Variants in EPHA3 observed in about 807,000 individuals in gnomAD.
EPHA3 encodes the protein ephrin type-A receptor 3.
Under a neutral mutation model 107.1 loss-of-function variants are expected in EPHA3, and 42 were observed. The ratio of observed to expected loss-of-function variants is 0.39; its 90% CI spans 0.31 to 0.51. The LOEUF (loss-of-function observed/expected upper bound fraction) is 0.51. Among genes scored for constraint, EPHA3 ranks in the 20% least tolerant of loss-of-function variants. The pLI, the probability that EPHA3 is intolerant of heterozygous loss-of-function variation, is 0.78. For missense variants in EPHA3, 1,183 were observed against 1,211.2 expected (o/e 0.98, Z 0.35); for synonymous variants, 461 against 424.8 (o/e 1.09, Z -1.05).
chr3:89,382,921 G>A (rs1708540834), intron 5 of EPHA3, among the ~76,000 whole-genome samples: 1 of 152,156 alleles, frequency 6.6e-6, no homozygotes, highest in Non-Finnish European at 1.5e-5. Context: ...TTCCCAGTCA[G>A]TGAGGCCTCA....
chr3:89,187,328 A>G (rs13100702), intron 2 of EPHA3, among the ~76,000 whole-genome samples: 21,466 of 148,216 alleles, frequency 0.14, 1,722 homozygotes, highest in African/African-American at 0.22. Flanking sequence ...TCATTAATAA[A>G]TTAATAAATA....
chr3:89,423,152 T>C (rs1576370363), intron 11 of EPHA3, among the ~76,000 whole-genome samples: 1 of 151,648 alleles, frequency 6.6e-6, no homozygotes, highest in South Asian at 2.1e-4. Flanking sequence ...ATGAGATTAA[T>C]GTATTTTGTC....
chr3:89,342,207 G>A (rs1160550537), intron 5 of EPHA3, 117 bp downstream of exon 5: 3 of 852,036 alleles, frequency 3.5e-6, no homozygotes, highest in Non-Finnish European at 5.3e-6. Flanking sequence ...CCAGGATTTT[G>A]CCTTCTAACA....
intron 11 of EPHA3, among the ~76,000 whole-genome samples, chr3:89,424,677 T>G (rs1162079186): frequency 4.0e-5 from 6 of 151,354 alleles, no homozygotes; most frequent in African/African-American, 1.5e-4. Context: ...AAAGAAAGCT[T>G]GGAAAGGAGA....
intron 10 of EPHA3, among the ~76,000 whole-genome samples, chr3:89,418,152 T>C (rs991912447): frequency 6.6e-6 from 1 of 151,470 alleles, no homozygotes; most frequent in African/African-American, 2.4e-5. Flanking sequence ...AAGATTATGA[T>C]TCCACTCCAT....
At chr3:89,297,762 T>A (rs1408848639) in intron 3 of EPHA3, among the ~76,000 whole-genome samples, 4 of 152,006 alleles carry the variant, frequency 2.6e-5, no homozygotes, top group Non-Finnish European at 5.9e-5. Context: ...TGGCCAGGCA[T>A]GGTGGCTCAC....
At chr3:89,227,651 G>A (rs1440644537) in intron 3 of EPHA3, among the ~76,000 whole-genome samples, 3 of 151,898 alleles carry the variant, frequency 2.0e-5, no homozygotes, top group Non-Finnish European at 4.4e-5. Context: ...GCATAGTTAG[G>A]TACTGGAGGG....
chr3:89,239,725 T>A (rs572713573), intron 3 of EPHA3, among the ~76,000 whole-genome samples: 2 of 152,170 alleles, frequency 1.3e-5, no homozygotes, highest in Non-Finnish European at 2.9e-5. Context: ...AAAAAATATT[T>A]TTCAGTAATC....
intron 3 of EPHA3, among the ~76,000 whole-genome samples, chr3:89,291,356 A>T (rs1450018431): frequency 6.6e-6 from 1 of 152,176 alleles, no homozygotes; most frequent in Non-Finnish European, 1.5e-5. Flanking sequence ...ATAGAGAAAA[A>T]TGAGTGTGTA....
chr3:89,163,580 A>G (rs1225712849), intron 2 of EPHA3, among the ~76,000 whole-genome samples: 6 of 152,296 alleles, frequency 3.9e-5, no homozygotes, highest in Admixed American at 6.5e-5. Flanking sequence ...TATCCAATGT[A>G]TACTTCTATT....
At chr3:89,327,915 T>C (rs1707202929) in intron 3 of EPHA3, among the ~76,000 whole-genome samples, 1 of 151,908 alleles carries the variant, frequency 6.6e-6, no homozygotes, top group African/African-American at 2.4e-5. Context: ...CTGGCCAACA[T>C]GGTGGAACCC....
At chr3:89,414,216 CTGAAAA>C (rs1709205763) in intron 10 of EPHA3, among the ~76,000 whole-genome samples, 1 of 151,536 alleles carries the variant, frequency 6.6e-6, no homozygotes, top group Admixed American at 6.6e-5. Context: ...CAAAGTAGTA[CTGAAAA>C]ATCAAGCAGT....
intron 2 of EPHA3, among the ~76,000 whole-genome samples, chr3:89,180,806 C>T (rs981644706): frequency 4.0e-5 from 6 of 151,812 alleles, no homozygotes; most frequent in Non-Finnish European, 5.9e-5. Context: ...AAAATAAAAA[C>T]TTTTTTTGTA....
At chr3:89,305,239 T>C (rs1333026091) in intron 3 of EPHA3, among the ~76,000 whole-genome samples, 1 of 152,178 alleles carries the variant, frequency 6.6e-6, no homozygotes, top group Non-Finnish European at 1.5e-5. Context: ...TTCAGTCTTA[T>C]AGTTTTATAC....
rs1393930349 is a variant in EPHA3, at chr3:89,168,866, T to C, written c.154-40994T>C. On this transcript the variant is annotated intron_variant, in intron 2 of 16. Coordinates refer to ENST00000336596, the MANE Select transcript of EPHA3 (RefSeq NM_005233.6). ...TTGAAATTTAAAAATTTAGAAATTC[T>C]GGTACACCATCAAAAAATAAAACTA... Among the ~76,000 whole-genome samples the C allele has an allele frequency of 2.6e-5, 4 of 152,152 alleles. No individual in the cohort carries two copies. In the East Asian group the frequency reaches 7.7e-4, roughly 29 times the overall value.
At chr3:89,205,698 T>C (rs371143690) in intron 2 of EPHA3, among the ~76,000 whole-genome samples, 1 of 152,190 alleles carries the variant, frequency 6.6e-6, no homozygotes, top group Non-Finnish European at 1.5e-5. Context: ...CTGCTGAAGC[T>C]GTTACTGGTG....
At chr3:89,107,941 G>T (rs1257877061) in intron 1 of EPHA3, 105 bp downstream of exon 1, 2 of 1,079,094 alleles carry the variant, frequency 1.9e-6, no homozygotes, top group African/African-American at 1.6e-5. Context: ...CCTCCGAATA[G>T]AGCAGTTTGC....
At chr3:89,354,753 T>C (rs1013971779) in intron 5 of EPHA3, among the ~76,000 whole-genome samples, 4 of 151,228 alleles carry the variant, frequency 2.6e-5, no homozygotes, top group Non-Finnish European at 4.4e-5. Flanking sequence ...ATTATCTTAT[T>C]CAATCTTACA....
At chr3:89,432,600 T>C (rs1437628159) in intron 13 of EPHA3, among the ~76,000 whole-genome samples, 1 of 152,170 alleles carries the variant, frequency 6.6e-6, no homozygotes, top group Admixed American at 6.5e-5. Context: ...AAGAAAATTA[T>C]TTCCATGGTA....
Sources: gnomAD v4.1 joint callset for allele counts (sites outside exome capture counted in the v4.1 genomes callset) on GRCh38, gnomAD v4.1.1 for gene constraint, MANE v1.5 for transcripts, NCBI Gene and HGNC (gene_info 2026-07-23, HGNC 2026-07-21) for gene names.